The following UBE2Q1 variants were observed in gnomAD, a reference collection of about 807,000 sequenced individuals.
UBE2Q1 encodes ubiquitin conjugating enzyme E2 Q1.
In UBE2Q1, 6 loss-of-function variants were observed where a neutral mutation model predicts 60.1. The ratio of observed to expected loss-of-function variants is 0.10; its 90% CI spans 0.05 to 0.20. UBE2Q1 has a LOEUF of 0.20. UBE2Q1 is among the 10% of genes least tolerant of loss of function. The probability of loss-of-function intolerance (pLI) is 1.00; values close to 1 mark genes in which losing one functional copy is unlikely to be tolerated. For missense variants in UBE2Q1, 262 were observed against 525.8 expected (o/e 0.50, Z 4.91); for synonymous variants, 226 against 208.3 (o/e 1.09, Z -0.73).
chr1:154,558,583 G>A lies in UBE2Q1; in HGVS notation c.-30C>T, dbSNP rs1221549921. 8 of 1,014,958 alleles carry A rather than the reference G, an allele frequency of 7.9e-6. No homozygotes were observed. The highest frequency in any genetic ancestry group is 1.8e-5 in the African/African-American group (1 of 56,586). The allele number at this position is 1,014,958 out of a possible 1,614,324, so 62.9% of individuals were successfully genotyped here. A position where few individuals can be genotyped will look rare whatever the true frequency, so the allele number is the denominator to read the frequency against. On this transcript the variant is annotated 5_prime_UTR_variant, in exon 1 of 13. Coordinates refer to ENST00000292211, the MANE Select transcript of UBE2Q1 (RefSeq NM_017582.7). Reference sequence around the variant, plus strand: ...CGCTCCGCTCCGCTCCGGGGCCGGCGGGCCGGGAGCCTCCGGCCTGCGCTC... The same window carrying A: ...CGCTCCGCTCCGCTCCGGGGCCGGCAGGCCGGGAGCCTCCGGCCTGCGCTC...
Position 154,553,059 on chromosome 1 carries a change from T to C in UBE2Q1, c.702A>G (p.Lys234=), listed in dbSNP as rs1398433792. 3.1e-6 allele frequency: 5 copies of C among 1,614,166 alleles called. No homozygotes were observed. The East Asian group carries it at 1.1e-4, about 36-fold the overall frequency. ...TTAAGTAATCTTGCCTCTGGTTCTT[T>C]TTAATTTTCTCTAGGATGGCCAAGT... ...KENLAILEKI[K]KNQRQDYLNG... The change falls in exon 5 of 13, where the codon AAA becomes AAG. Residue 234 remains lysine (K), a synonymous_variant. Coordinates refer to ENST00000292211, the MANE Select transcript of UBE2Q1 (RefSeq NM_017582.7).
chr1:154,552,181 A>G lies in UBE2Q1; in HGVS notation c.878T>C (p.Val293Ala). ...LYDWNVKLLK[V>A]DQDSALHNDL... ...GTTGTGCAAAGCGCTGTCCTGGTCAACTCTAAGAAGCAACAAGCCTGGGCT... is the reference window on the plus strand; with the variant it reads ...GTTGTGCAAAGCGCTGTCCTGGTCAGCTCTAAGAAGCAACAAGCCTGGGCT... The change falls in exon 8 of 13, where the codon GTT (valine) becomes GCT (alanine). Residue 293 changes from valine (V) to alanine (A), a missense_variant and splice_region_variant. Coordinates refer to ENST00000292211, the MANE Select transcript of UBE2Q1 (RefSeq NM_017582.7). 1 of 1,614,066 alleles carries G rather than the reference A, an allele frequency of 6.2e-7. No homozygotes were observed. Among genetic ancestry groups the G allele is most frequent in the Non-Finnish European group, 8.5e-7 (1 of 1,180,008 alleles).
At chr1:154,550,848 C>G (rs1008419414) in intron 12 of UBE2Q1, 90 bp downstream of exon 12, 19 of 1,606,836 alleles carry the variant, frequency 1.2e-5, no homozygotes, top group Non-Finnish European at 1.4e-5. Flanking sequence ...GTATCAGAAA[C>G]CAAAAGAAGG....
Position 154,558,216 on chromosome 1 carries a change from G to T in UBE2Q1, c.327+11C>A, listed in dbSNP as rs1325652200. ...GGGCCCCCACAGAGGCGCACGCGAG[G>T]GGGTCCTCACCGTGATGTTGCAGTG... is the stretch of plus-strand genomic sequence containing the variant. On this transcript the variant is annotated intron_variant, in intron 1 of 12. Transcript: ENST00000292211. The T allele has an allele frequency of 6.6e-7, 1 of 1,515,644 alleles. No individual in the cohort carries two copies. The highest frequency in any genetic ancestry group is 2.1e-5 in the Admixed American group (1 of 46,574). The allele number at this position is 1,515,644 out of a possible 1,614,324, so 93.9% of individuals were successfully genotyped here. A position where few individuals can be genotyped will look rare whatever the true frequency, so the allele number is the denominator to read the frequency against.
In UBE2Q1 at chr1:154,550,277, TAGCG is replaced by T; in HGVS notation, c.*157_*160del. On this transcript the variant is annotated 3_prime_UTR_variant, in exon 13 of 13. Coordinates refer to ENST00000292211, the MANE Select transcript of UBE2Q1 (RefSeq NM_017582.7). The stretch of plus-strand genomic sequence containing the variant: ...CAGTTCTGTGTTTGTTTTTTTTCCT[TAGCG>T]TTTAGAATAGCCATCATTGTCCTGC... The T allele has an allele frequency of 3.3e-5, 32 of 975,830 alleles. No individual in the cohort carries two copies. Among genetic ancestry groups the T allele is most frequent in the Admixed American group, 1.1e-4 (5 of 44,790 alleles). The allele number at this position is 975,830 out of a possible 1,614,324, so 60.4% of individuals were successfully genotyped here.
At chr1:154,553,231 G>A in intron 4 of UBE2Q1, 59 bp from the exon 5 acceptor site, 2 of 1,575,550 alleles carry the variant, frequency 1.3e-6, no homozygotes, top group South Asian at 1.1e-5. Flanking sequence ...ACAGGTTAGA[G>A]AATGACCATC....
At chr1:154,557,985 G>A (rs1206138623) in intron 1 of UBE2Q1, among the ~76,000 whole-genome samples, 1 of 152,018 alleles carries the variant, frequency 6.6e-6, no homozygotes, top group Non-Finnish European at 1.5e-5. Flanking sequence ...GGGTGGGTTC[G>A]TGGAAACGGG....
Position 154,558,303 on chromosome 1 carries a change from C to T in UBE2Q1, c.251G>A (p.Gly84Glu). The T allele has an allele frequency of 6.3e-7, 1 of 1,581,824 alleles. No homozygotes were observed. The highest frequency in any genetic ancestry group is 1.1e-5 in the South Asian group (1 of 87,340). ...GGGGAGATGCGGTCCGGGCGCGGCC[C>T]CCGCCCCGGCCCCTCCGGCCCCAGC... The part of the protein sequence containing the change: ...LLAGAGGAGA[G>E]AAPGPHLPPR... Residue 84 changes from glycine (G) to glutamate (E), a missense_variant, in exon 1 of 13, where the codon GGG becomes GAG. Physicochemically the swap from Gly to Glu is moderately conservative, Grantham distance 98 (BLOSUM62 -2). This residue lies in a region of UBE2Q1 where 49 missense variants were observed against 32.5 expected (regional missense o/e 1.51). Coordinates refer to ENST00000292211, the MANE Select transcript of UBE2Q1 (RefSeq NM_017582.7).
rs1344519815 is a variant in UBE2Q1, at chr1:154,558,509, C to T, written c.45G>A (p.Gly15=). The change falls in exon 1 of 13, where the codon GGG becomes GGA. Residue 15 remains glycine (G), a synonymous_variant. Coordinates refer to ENST00000292211, the MANE Select transcript of UBE2Q1 (RefSeq NM_017582.7). ...CCGCCCCCTGGCCCCCCAGCTGCTG[C>T]CCCGGCCCCGGCTGCTGCTGCCCCT... ...QPQGQQQPGP[G]QQLGGQGAAP... is the part of the protein sequence containing the mutation. 2.6e-6 allele frequency: 3 copies of T among 1,144,942 alleles called. No homozygotes were observed. The highest frequency in any genetic ancestry group is 4.4e-5 in the South Asian group (1 of 22,968). 70.9% of individuals were successfully genotyped at this position (1,144,942 alleles called of 1,614,324 possible).
chr1:154,555,383 G>A (rs1695865254), intron 3 of UBE2Q1, 45 bp downstream of exon 3: 1 of 1,515,816 alleles, frequency 6.6e-7, no homozygotes, highest in African/African-American at 1.4e-5. Flanking sequence ...AGTACCCTGT[G>A]GGGCAACTCT....
Position 154,548,772 on chromosome 1 carries a change from C to T in UBE2Q1, c.*1666G>A, listed in dbSNP as rs1246854240. 1.3e-5 allele frequency: 2 copies of T among 152,576 alleles called. No individual in the cohort carries two copies. Among genetic ancestry groups the T allele is most frequent in the Non-Finnish European group, 2.9e-5 (2 of 68,046 alleles). The allele number at this position is 152,576 out of a possible 1,614,324, so 9.5% of individuals were successfully genotyped here. On this transcript the variant is annotated 3_prime_UTR_variant, in exon 13 of 13. Transcript: ENST00000292211. ...TTCAGCTCTATGGAATGAATTTTCC[C>T]CTTATGTCCCGTCTTTATCTCAACC...
At position 154,558,581 on chromosome 1, in the gene UBE2Q1, G is replaced by A. The variant is rs982996550; in HGVS notation, c.-28C>T. 23 of 1,017,646 alleles carry A rather than the reference G, an allele frequency of 2.3e-5. No individual in the cohort carries two copies. The highest frequency in any genetic ancestry group is 2.6e-5 in the Non-Finnish European group (22 of 855,536). 63.0% of individuals were successfully genotyped at this position (1,017,646 alleles called of 1,614,324 possible). On this transcript the variant is annotated 5_prime_UTR_variant, in exon 1 of 13. Coordinates refer to ENST00000292211, the MANE Select transcript of UBE2Q1 (RefSeq NM_017582.7). ...TCCGCTCCGCTCCGCTCCGGGGCCGGCGGGCCGGGAGCCTCCGGCCTGCGC... is the reference window on the plus strand; with the variant it reads ...TCCGCTCCGCTCCGCTCCGGGGCCGACGGGCCGGGAGCCTCCGGCCTGCGC...
rs765320578 is a variant in UBE2Q1 at position 154,556,003 on chromosome 1, G to A, written c.328-39C>T. On this transcript the variant is annotated intron_variant, in intron 1 of 12. Coordinates refer to ENST00000292211, the MANE Select transcript of UBE2Q1 (RefSeq NM_017582.7). ...AGCAATAAGAGCAATCAAAATGGGT[G>A]ACTCTGGGAAAAGCCAGATTTTGCC... The A allele has an allele frequency of 2.5e-6, 4 of 1,591,506 alleles. No individual in the cohort carries two copies. In the East Asian group the frequency reaches 8.9e-5, roughly 36 times the overall value.
Position 154,558,287 on chromosome 1 carries a change from C to T in UBE2Q1, c.267G>A (p.Pro89=). 1.3e-6 allele frequency: 2 copies of T among 1,579,762 alleles called. No homozygotes were observed. Among genetic ancestry groups the T allele is most frequent in the Admixed American group, 1.8e-5 (1 of 55,972 alleles). ...GCACCGACCCCCGTGGGGGGAGATGCGGTCCGGGCGCGGCCCCCGCCCCGG... is the reference window on the plus strand; with the variant it reads ...GCACCGACCCCCGTGGGGGGAGATGTGGTCCGGGCGCGGCCCCCGCCCCGG... ...GGAGAGAAPG[P]HLPPRGSVPG... Residue 89 remains proline, a synonymous_variant, in exon 1 of 13, where the codon CCG becomes CCA. Transcript: ENST00000292211.
chr1:154,555,293 G>A lies in UBE2Q1; in HGVS notation c.537+135C>T, dbSNP rs562215620. ...GATTCCCATCTGGAGAAGAACGAGG[G>A]TGAGAGTCATAAGACGTGTATGTTT... On this transcript the variant is annotated intron_variant, in intron 3 of 12. Coordinates refer to ENST00000292211, the MANE Select transcript of UBE2Q1 (RefSeq NM_017582.7). 48 of 747,182 alleles carry A rather than the reference G, an allele frequency of 6.4e-5. No individual in the cohort carries two copies. The Middle Eastern group carries it at 1.5e-3, about 24-fold the overall frequency. 46.3% of individuals were successfully genotyped at this position (747,182 alleles called of 1,614,324 possible).
intron 4 of UBE2Q1, among the ~76,000 whole-genome samples, chr1:154,554,402 C>T (rs918048059): frequency 6.6e-6 from 1 of 152,208 alleles, no homozygotes. Flanking sequence ...TATAATCCTA[C>T]TTTATAGATA....
intron 4 of UBE2Q1, chr1:154,553,486 A>C: frequency 4.4e-6 from 1 of 228,500 alleles, no homozygotes; most frequent in South Asian, 1.0e-4. Flanking sequence ...TGTTCCTAAA[A>C]CTCCCTTGGC....
chr1:154,558,332 C>G lies in UBE2Q1; in HGVS notation c.222G>C (p.Leu74=), dbSNP rs1695928672. 1.3e-6 allele frequency: 2 copies of G among 1,575,128 alleles called. No individual in the cohort carries two copies. Among genetic ancestry groups the G allele is most frequent in the Non-Finnish European group, 1.7e-6 (2 of 1,163,728 alleles). The stretch of plus-strand genomic sequence containing the variant: ...CCCCGGCCCCTCCGGCCCCAGCCAG[C>G]AGGAACTCGCAGCTCAGCTCGTCCA... ...ACLDELSCEF[L]LAGAGGAGAG... The change falls in exon 1 of 13, where the codon CTG becomes CTC. Residue 74 remains leucine, a synonymous_variant. Coordinates refer to ENST00000292211, the MANE Select transcript of UBE2Q1 (RefSeq NM_017582.7).
At chr1:154,552,037 TCAGGCA>T in intron 8 of UBE2Q1, 50 bp downstream of exon 8, 1 of 1,613,942 alleles carries the variant, frequency 6.2e-7, no homozygotes, top group South Asian at 1.1e-5. Flanking sequence ...CACAGGACTG[TCAGGCA>T]GACTGGGCAG....
Sources: gnomAD v4.1 joint callset for allele counts (sites outside exome capture counted in the v4.1 genomes callset) on GRCh38, gnomAD v4.1.1 for gene constraint, gnomAD v4.1.1 regional missense constraint, MANE v1.5 for transcripts, NCBI Gene and HGNC (gene_info 2026-07-23, HGNC 2026-07-21) for gene names.